SSH1: variants seen among roughly 807,000 people sequenced by gnomAD.
The protein encoded by SSH1 is protein phosphatase Slingshot homolog 1.
Under a neutral mutation model 79.7 loss-of-function variants are expected in SSH1, and 43 were observed. That is an observed-to-expected ratio of 0.54 (90% CI 0.42 to 0.70). The LOEUF (loss-of-function observed/expected upper bound fraction) is 0.70. Among genes scored for constraint, SSH1 ranks in the 30% least tolerant of loss-of-function variants. The pLI, the probability that SSH1 is intolerant of heterozygous loss-of-function variation, is 0.00. For synonymous variants in SSH1, 599 were observed against 538.3 expected, an observed-to-expected ratio of 1.11 and a Z score of -1.56; for missense variants, 1,206 against 1,358.8, an observed-to-expected ratio of 0.89 and a Z score of 1.77.
At chr12:108,789,803 C>G (rs376130171) in intron 14 of SSH1, among the ~76,000 whole-genome samples, 18 of 152,256 alleles carry the variant, frequency 1.2e-4, no homozygotes, top group African/African-American at 4.3e-4. Context: ...CCCGCCTGCA[C>G]AGGACTGTAG....
intron 2 of SSH1, among the ~76,000 whole-genome samples, chr12:108,839,636 T>C (rs1021514266): frequency 6.6e-6 from 1 of 151,938 alleles, no homozygotes; most frequent in Non-Finnish European, 1.5e-5. Context: ...CAGCCTTCTC[T>C]GAAACAAAGT....
At chr12:108,840,296 C>T (rs1593121161) in intron 2 of SSH1, among the ~76,000 whole-genome samples, 1 of 151,998 alleles carries the variant, frequency 6.6e-6, no homozygotes, top group South Asian at 2.1e-4. Context: ...CTTTGGGAGG[C>T]CGAGGTGGTT....
chr12:108,822,929 C>G (rs1042082707), intron 3 of SSH1, among the ~76,000 whole-genome samples: 1 of 152,198 alleles, frequency 6.6e-6, no homozygotes, highest in African/African-American at 2.4e-5. Flanking sequence ...CGACATCTGG[C>G]TATAATTCAT....
Position 108,789,107 on chromosome 12 carries a change from G to A in SSH1, c.2031C>T (p.Cys677=), listed in dbSNP as rs1001087239. The A allele has an allele frequency of 6.2e-7, 1 of 1,613,972 alleles. No homozygotes were observed. The highest frequency in any genetic ancestry group is 1.3e-5 in the African/African-American group (1 of 75,040). The change falls in exon 15 of 15, where the codon TGC becomes TGT. Residue 677 remains cysteine, a synonymous_variant. Coordinates refer to ENST00000326495, the MANE Select transcript of SSH1 (RefSeq NM_018984.4). ...TGTGGGGTAGGAAGGCTGGCTGGGTGCAGATGGCGGGAGCATTGGGGTCCT... is the reference window on the plus strand; with the variant it reads ...TGTGGGGTAGGAAGGCTGGCTGGGTACAGATGGCGGGAGCATTGGGGTCCT... ...RCEDPNAPAI[C]TQPAFLPHIT...
At chr12:108,824,551 G>A (rs1157809087) in intron 2 of SSH1, among the ~76,000 whole-genome samples, 1 of 152,062 alleles carries the variant, frequency 6.6e-6, no homozygotes, top group Non-Finnish European at 1.5e-5. Context: ...CTATTCTTGA[G>A]GAAAACCTCA....
In SSH1 at chr12:108,799,322, A is replaced by C. The variant is rs1032151591; in HGVS notation, c.1149-122T>G. ...CGAATCATTTTTTTAAACCCTGTAG[A>C]TATCTTACTGCCGAAATCCTCCTAC... is the stretch of plus-strand genomic sequence containing the variant. On this transcript the variant is annotated intron_variant, in intron 12 of 14. Transcript: ENST00000326495. 3 of 808,008 alleles carry C rather than the reference A, an allele frequency of 3.7e-6. No homozygotes were observed. The African/African-American group carries it at 5.2e-5, about 14-fold the overall frequency. The allele number at this position is 808,008 out of a possible 1,614,324, so 50.1% of individuals were successfully genotyped here. A position where few individuals can be genotyped will look rare whatever the true frequency, so the allele number is the denominator to read the frequency against.
rs781187013 is a variant in SSH1, at chr12:108,789,274, G to C, written c.1894-30C>G. 40 of 1,572,934 alleles carry C rather than the reference G, an allele frequency of 2.5e-5. No individual in the cohort carries two copies. In the East Asian group the frequency reaches 9.0e-4, roughly 35 times the overall value. On this transcript the variant is annotated intron_variant, in intron 14 of 14. Transcript: ENST00000326495. ...AAGGAAGGGGACAAGAGCATGGTGA[G>C]ACGGTGCAGTCATGAGCCAAAGACC...
In SSH1 at chr12:108,787,209, G is replaced by A. The variant is rs2036302672; in HGVS notation, c.*779C>T. The A allele has an allele frequency of 6.6e-6, 1 of 152,214 alleles. No homozygotes were observed. The highest frequency in any genetic ancestry group is 2.1e-4 in the South Asian group (1 of 4,836). 9.4% of individuals were successfully genotyped at this position (152,214 alleles called of 1,614,324 possible). A position where few individuals can be genotyped will look rare whatever the true frequency, so the allele number is the denominator to read the frequency against. On this transcript the variant is annotated 3_prime_UTR_variant, in exon 15 of 15. Coordinates refer to ENST00000326495, the MANE Select transcript of SSH1 (RefSeq NM_018984.4). ...ACAATGCAGGTGGGCCCTTCCCCTT[G>A]AGATTTAAACTTCAGCATTAGCAAC...
intron 2 of SSH1, among the ~76,000 whole-genome samples, chr12:108,851,342 T>C (rs1463908333): frequency 1.3e-5 from 2 of 152,206 alleles, no homozygotes; most frequent in South Asian, 2.1e-4. Flanking sequence ...CAGTTCTGCA[T>C]ATGAGTTTGA....
rs565334481 is a variant in SSH1, at chr12:108,820,638, G to C, written c.215-2325C>G. On this transcript the variant is annotated intron_variant, in intron 3 of 14. Coordinates refer to ENST00000326495, the MANE Select transcript of SSH1 (RefSeq NM_018984.4). ...CACACAAAAAAATCAGAGAATATAA[G>C]CCCTAGAAAGGGTCTCAAATTGACT... 9.9e-5 allele frequency among the ~76,000 whole-genome samples: 15 copies of C among 152,278 alleles called. No homozygotes were observed. In the South Asian group the frequency reaches 2.9e-3, roughly 29 times the overall value.
At chr12:108,795,746 G>A (rs1320415182) in intron 13 of SSH1, among the ~76,000 whole-genome samples, 3 of 152,004 alleles carry the variant, frequency 2.0e-5, no homozygotes, top group Non-Finnish European at 4.4e-5. Context: ...TGTAGTCCCA[G>A]CTGTTTGGGG....
chr12:108,821,206 A>ACC (rs2038104334), intron 3 of SSH1, among the ~76,000 whole-genome samples: 1 of 129,694 alleles, frequency 7.7e-6, no homozygotes, highest in South Asian at 2.8e-4. Flanking sequence ...ATAGTGAGTG[A>ACC]GACCTCATCT....
At chr12:108,831,335 T>C (rs751943436) in intron 2 of SSH1, among the ~76,000 whole-genome samples, 104 of 152,314 alleles carry the variant, frequency 6.8e-4, no homozygotes, top group Non-Finnish European at 1.4e-3. Context: ...GCTGTCAGCA[T>C]AGAAAGATGG....
chr12:108,782,701 TAAAGAA>T lies in SSH1; in HGVS notation c.*5281_*5286del, dbSNP rs1284984554. On this transcript the variant is annotated 3_prime_UTR_variant, in exon 15 of 15. Transcript: ENST00000326495. ...TATAAACTCAGTCATCAGGAATTTA[TAAAGAA>T]AAAGTTTATTTTCATCACAAGAAGC... 6.6e-6 allele frequency: 1 copy of T among 152,166 alleles called. No homozygotes were observed. Among genetic ancestry groups the T allele is most frequent in the Non-Finnish European group, 1.5e-5 (1 of 68,016 alleles). 9.4% of individuals were successfully genotyped at this position (152,166 alleles called of 1,614,324 possible).
intron 1 of SSH1, among the ~76,000 whole-genome samples, chr12:108,856,658 G>C (rs950862903): frequency 2.0e-5 from 3 of 152,228 alleles, no homozygotes; most frequent in Non-Finnish European, 4.4e-5. Flanking sequence ...CAGAACTCCA[G>C]AGGCGGCAGG....
In SSH1 at chr12:108,787,072, C is replaced by G. The variant is rs1163996633; in HGVS notation, c.*916G>C. 1 of 152,260 alleles carries G rather than the reference C, an allele frequency of 6.6e-6. No individual in the cohort carries two copies. The highest frequency in any genetic ancestry group is 1.5e-5 in the Non-Finnish European group (1 of 68,062). The allele number at this position is 152,260 out of a possible 1,614,324, so 9.4% of individuals were successfully genotyped here. A position where few individuals can be genotyped will look rare whatever the true frequency, so the allele number is the denominator to read the frequency against. ...CTTCCCTAGATGGGCCCTAGTGGAC[C>G]TAAGCATCTGGGCTCTCAGCAGGAC... On this transcript the variant is annotated 3_prime_UTR_variant, in exon 15 of 15. Coordinates refer to ENST00000326495, the MANE Select transcript of SSH1 (RefSeq NM_018984.4).
At position 108,857,044 on chromosome 12, in the gene SSH1, C is replaced by T. The variant is rs529711083; in HGVS notation, c.69+384G>A. 2.6e-5 allele frequency among the ~76,000 whole-genome samples: 4 copies of T among 152,352 alleles called. No homozygotes were observed. Among genetic ancestry groups the T allele is most frequent in the African/African-American group, 7.2e-5 (3 of 41,580 alleles). On this transcript the variant is annotated intron_variant, in intron 1 of 14. Coordinates refer to ENST00000326495, the MANE Select transcript of SSH1 (RefSeq NM_018984.4). This position sits in a 1 kb window ranked among gnomAD's most constrained non-coding sequence, Gnocchi z 4.7. ...GCACACACAGTCTCTGCACAGTCAC[C>T]CTTAGGGGTCACAACGCACACAGTC...
rs916131197 is a variant in SSH1 at position 108,827,395 on chromosome 12, G to C, written c.111-4034C>G. 18 of 1,500,118 alleles carry C rather than the reference G, an allele frequency of 1.2e-5. No individual in the cohort carries two copies. The Admixed American group carries it at 3.1e-4, about 26-fold the overall frequency. 92.9% of individuals were successfully genotyped at this position (1,500,118 alleles called of 1,614,324 possible). On this transcript the variant is annotated intron_variant, in intron 2 of 14. Coordinates refer to ENST00000326495, the MANE Select transcript of SSH1 (RefSeq NM_018984.4). Reference sequence around the variant, plus strand: ...AACGCTCCCTACAACTGCCCTCCGAGCTCTGGCCATCTGCTCCCTATGGAG... The same window carrying C: ...AACGCTCCCTACAACTGCCCTCCGACCTCTGGCCATCTGCTCCCTATGGAG...
intron 6 of SSH1, 146 bp from the exon 7 acceptor site, chr12:108,809,904 C>T (rs1034042459): frequency 5.5e-5 from 40 of 730,270 alleles, no homozygotes; most frequent in African/African-American, 3.7e-4. Flanking sequence ...TTACGGAACC[C>T]GCTTTCGCAG....
Sources: gnomAD v4.1 joint callset for allele counts (sites outside exome capture counted in the v4.1 genomes callset) on GRCh38, gnomAD v4.1.1 for gene constraint, Gnocchi (gnomAD v3.1) non-coding constraint, MANE v1.5 for transcripts, NCBI Gene and HGNC (gene_info 2026-07-23, HGNC 2026-07-21) for gene names.